SERGEF: variants seen among roughly 807,000 people sequenced by gnomAD.
SERGEF encodes the protein secretion-regulating guanine nucleotide exchange factor.
Under a neutral mutation model 50.0 loss-of-function variants are expected in SERGEF, and 51 were observed. That is an observed-to-expected ratio of 1.02 (90% CI 0.81 to 1.29). The LOEUF (loss-of-function observed/expected upper bound fraction) is 1.29. Among genes scored for constraint, SERGEF ranks in the 50% most tolerant of loss-of-function variants. The pLI, the probability that SERGEF is intolerant of heterozygous loss-of-function variation, is 0.00. For synonymous variants in SERGEF, 205 were observed against 212.4 expected, an observed-to-expected ratio of 0.97 and a Z score of 0.30; for missense variants, 521 against 557.0, an observed-to-expected ratio of 0.94 and a Z score of 0.65.
chr11:17,810,616 G>T (rs1261154330), intron 10 of SERGEF, among the ~76,000 whole-genome samples: 1 of 152,198 alleles, frequency 6.6e-6, no homozygotes, highest in Non-Finnish European at 1.5e-5. Flanking sequence ...GAACTTTGTA[G>T]TTCTTTATTT....
chr11:17,869,831 A>C (rs1036484324), intron 10 of SERGEF, among the ~76,000 whole-genome samples: 1 of 152,222 alleles, frequency 6.6e-6, no homozygotes, highest in Non-Finnish European at 1.5e-5. Flanking sequence ...GAGCCTATGA[A>C]TATGTTTTGT....
intron 10 of SERGEF, among the ~76,000 whole-genome samples, chr11:17,826,190 T>C (rs1850189862): frequency 6.6e-6 from 1 of 152,224 alleles, no homozygotes; most frequent in African/African-American, 2.4e-5. Context: ...CACCATAAGG[T>C]AGATGCTATT....
chr11:17,854,967 A>G (rs1463354156), intron 10 of SERGEF: 1 of 152,212 alleles, frequency 6.6e-6, no homozygotes, highest in Admixed American at 6.5e-5. Flanking sequence ...CTTTATCTAC[A>G]TAGGGAAACT....
At chr11:17,881,098 C>A (rs1851325574) in intron 9 of SERGEF, among the ~76,000 whole-genome samples, 1 of 152,202 alleles carries the variant, frequency 6.6e-6, no homozygotes. Context: ...CACAGCTAGA[C>A]AAGTGGCAGC....
chr11:17,898,933 C>T (rs1374570162), intron 9 of SERGEF, among the ~76,000 whole-genome samples: 1 of 152,126 alleles, frequency 6.6e-6, no homozygotes, highest in Non-Finnish European at 1.5e-5. Context: ...TAGCACCACC[C>T]TCTCGGTGCT....
At chr11:17,910,595 T>C (rs1851933832) in intron 9 of SERGEF, among the ~76,000 whole-genome samples, 1 of 152,186 alleles carries the variant, frequency 6.6e-6, no homozygotes, top group South Asian at 2.1e-4. Flanking sequence ...TGGGAATTTG[T>C]CGTCTGAAGT....
chr11:17,827,059 G>A (rs1330236093), intron 10 of SERGEF, among the ~76,000 whole-genome samples: 3 of 152,294 alleles, frequency 2.0e-5, no homozygotes, highest in East Asian at 1.9e-4. Context: ...TTAAAATGCC[G>A]AAAATTTATC....
chr11:17,825,270 A>T (rs1266079594), intron 10 of SERGEF, among the ~76,000 whole-genome samples: 1 of 152,182 alleles, frequency 6.6e-6, no homozygotes, highest in Non-Finnish European at 1.5e-5. Context: ...TTGAAAGGGT[A>T]TTCCTATAAT....
intron 10 of SERGEF, among the ~76,000 whole-genome samples, chr11:17,809,836 T>C (rs1680271519): frequency 6.6e-6 from 1 of 152,156 alleles, no homozygotes; most frequent in African/African-American, 2.4e-5. Flanking sequence ...ACAGTCCTGG[T>C]AGATGAATCT....
chr11:17,865,634 T>C (rs1283656965), intron 10 of SERGEF, among the ~76,000 whole-genome samples: 3 of 152,030 alleles, frequency 2.0e-5, no homozygotes, highest in Non-Finnish European at 4.4e-5. Flanking sequence ...ATAATAATAA[T>C]AATAATTTAA....
At chr11:18,004,628 T>C in intron 3 of SERGEF, 93 bp from the exon 4 acceptor site, 2 of 828,480 alleles carry the variant, frequency 2.4e-6, no homozygotes, top group Non-Finnish European at 4.0e-6. Context: ...GCAAAGGGGA[T>C]GAGGGGAAGT....
intron 10 of SERGEF, among the ~76,000 whole-genome samples, chr11:17,790,692 T>C (rs572343121): frequency 1.2e-4 from 19 of 152,368 alleles, no homozygotes; most frequent in African/African-American, 2.2e-4. Context: ...TGCATGTATA[T>C]GTAAGCATGT....
At chr11:17,873,522 G>A (rs903536448) in intron 10 of SERGEF, among the ~76,000 whole-genome samples, 21 of 152,226 alleles carry the variant, frequency 1.4e-4, no homozygotes, top group African/African-American at 4.8e-4. Context: ...ATTGCTTGAT[G>A]GTTTCATGCC....
At chr11:17,849,857 G>GT (rs1284970309) in intron 10 of SERGEF, among the ~76,000 whole-genome samples, 1 of 152,090 alleles carries the variant, frequency 6.6e-6, no homozygotes, top group Non-Finnish European at 1.5e-5. Context: ...AAAAATCTAT[G>GT]TTTTTTTCTG....
chr11:18,000,682 C>G, intron 4 of SERGEF, 125 bp from the exon 5 acceptor site: 2 of 741,336 alleles, frequency 2.7e-6, no homozygotes, highest in South Asian at 3.0e-5. Flanking sequence ...AGCAACCACT[C>G]CCCCCAATAT....
intron 9 of SERGEF, among the ~76,000 whole-genome samples, chr11:17,939,152 T>C (rs1852513273): frequency 6.6e-6 from 1 of 152,078 alleles, no homozygotes; most frequent in African/African-American, 2.4e-5. Flanking sequence ...AAAGAAATGT[T>C]AAAAGATTAG....
intron 9 of SERGEF, among the ~76,000 whole-genome samples, chr11:17,907,740 G>C (rs1851876417): frequency 6.6e-6 from 1 of 152,228 alleles, no homozygotes; most frequent in South Asian, 2.1e-4. Flanking sequence ...TAGTCAGACA[G>C]ATGATAAAGG....
At chr11:18,006,861 T>G in intron 2 of SERGEF, 115 bp from the exon 3 acceptor site, 1 of 1,205,434 alleles carries the variant, frequency 8.3e-7, no homozygotes, top group Non-Finnish European at 1.2e-6. Context: ...TTTTTTGCCA[T>G]CCAAGTTAAT....
intron 10 of SERGEF, among the ~76,000 whole-genome samples, chr11:17,832,335 T>C (rs917185019): frequency 3.9e-5 from 6 of 152,228 alleles, no homozygotes; most frequent in Admixed American, 6.5e-5. Context: ...CCTGCAACCA[T>C]GCACATAACA....
Sources: gnomAD v4.1 joint callset for allele counts (sites outside exome capture counted in the v4.1 genomes callset) on GRCh38, gnomAD v4.1.1 for gene constraint, MANE v1.5 for transcripts, NCBI Gene and HGNC (gene_info 2026-07-23, HGNC 2026-07-21) for gene names.